The following NKAIN2 variants were observed in gnomAD, a reference collection of about 807,000 sequenced individuals.
NKAIN2 encodes the protein sodium/potassium transporting ATPase interacting 2.
Under a neutral mutation model 32.6 loss-of-function variants are expected in NKAIN2, and 14 were observed. That is an observed-to-expected ratio of 0.43 (90% confidence interval 0.28 to 0.67). The LOEUF is 0.67. NKAIN2 is among the 30% of genes least tolerant of loss of function. The pLI is 0.17. For synonymous variants in NKAIN2, 80 were observed against 87.2 expected (o/e 0.92, Z 0.46); for missense variants, 198 against 258.3 (o/e 0.77, Z 1.60).
intron 3 of NKAIN2, among the ~76,000 whole-genome samples, chr6:124,500,826 A>G (rs1778260361): frequency 6.6e-6 from 1 of 152,114 alleles, no homozygotes; most frequent in Non-Finnish European, 1.5e-5. Context: ...TAGATCAGTC[A>G]GAGGATTTGA....
At chr6:124,438,926 A>G (rs1775574551) in intron 3 of NKAIN2, among the ~76,000 whole-genome samples, 1 of 152,094 alleles carries the variant, frequency 6.6e-6, no homozygotes, top group African/African-American at 2.4e-5. Flanking sequence ...TCGTGGAGTT[A>G]ATAAAGGCTT....
At chr6:124,540,744 T>C (rs1016489516) in intron 3 of NKAIN2, among the ~76,000 whole-genome samples, 1 of 152,244 alleles carries the variant, frequency 6.6e-6, no homozygotes, top group Non-Finnish European at 1.5e-5. Flanking sequence ...CAAGTACTCA[T>C]ACAATTATTC....
intron 1 of NKAIN2, among the ~76,000 whole-genome samples, chr6:123,879,462 T>G (rs563959277): frequency 6.6e-6 from 1 of 152,318 alleles, no homozygotes; most frequent in African/African-American, 2.4e-5. Flanking sequence ...TTTAAGAACA[T>G]ATCAATTCTC....
chr6:124,563,535 T>C (rs534204027), intron 3 of NKAIN2, among the ~76,000 whole-genome samples: 1 of 152,314 alleles, frequency 6.6e-6, no homozygotes, highest in South Asian at 2.1e-4. Flanking sequence ...GCTATTTCCA[T>C]GTCCACAGGG....
chr6:124,622,429 C>G (rs1562289277), intron 3 of NKAIN2, among the ~76,000 whole-genome samples: 1 of 152,110 alleles, frequency 6.6e-6, no homozygotes, highest in Non-Finnish European at 1.5e-5. Context: ...GTCTCCATCC[C>G]CGTAGTAGTG....
chr6:124,448,574 G>A (rs998889982), intron 3 of NKAIN2, among the ~76,000 whole-genome samples: 2 of 152,226 alleles, frequency 1.3e-5, no homozygotes, highest in African/African-American at 2.4e-5. Flanking sequence ...ATCTCCCTAT[G>A]AGCCTGTTGT....
At chr6:124,185,312 A>C (rs1789662712) in intron 1 of NKAIN2, among the ~76,000 whole-genome samples, 2 of 152,184 alleles carry the variant, frequency 1.3e-5, no homozygotes, top group African/African-American at 4.8e-5. Context: ...TGCGGTTTAA[A>C]ATTATGAGTT....
At chr6:124,634,148 CG>C (rs1783682613) in intron 3 of NKAIN2, among the ~76,000 whole-genome samples, 1 of 151,712 alleles carries the variant, frequency 6.6e-6, no homozygotes, top group African/African-American at 2.4e-5. Context: ...GAAAAAATAA[CG>C]GTTTCACCAG....
intron 3 of NKAIN2, among the ~76,000 whole-genome samples, chr6:124,462,066 T>A (rs1776553388): frequency 6.6e-6 from 1 of 152,012 alleles, no homozygotes; most frequent in African/African-American, 2.4e-5. Flanking sequence ...CATTTTAATG[T>A]TTAGGTGTCT....
intron 3 of NKAIN2, among the ~76,000 whole-genome samples, chr6:124,409,909 A>G (rs186433272): frequency 0.018 from 2,664 of 151,966 alleles, 107 homozygotes; most frequent in Admixed American, 0.09. Flanking sequence ...ACTGCTTCCT[A>G]GTTTAGTCTT....
intron 1 of NKAIN2, among the ~76,000 whole-genome samples, chr6:123,879,670 A>T (rs1218326347): frequency 6.6e-6 from 1 of 152,178 alleles, no homozygotes; most frequent in Non-Finnish European, 1.5e-5. Context: ...GCCCCCAGCT[A>T]AATTGGGGTA....
chr6:123,956,896 CAA>C (rs1777618887), intron 1 of NKAIN2, among the ~76,000 whole-genome samples: 1 of 152,144 alleles, frequency 6.6e-6, no homozygotes, highest in African/African-American at 2.4e-5. Context: ...ATCCTATTGC[CAA>C]GTTTCTGTAC....
intron 1 of NKAIN2, among the ~76,000 whole-genome samples, chr6:124,115,124 A>AAT (rs1785549513): frequency 6.6e-6 from 1 of 152,192 alleles, no homozygotes; most frequent in African/African-American, 2.4e-5. Flanking sequence ...ATTGAGGTGT[A>AAT]ATATATTAAA....
chr6:124,428,934 G>A (rs1000051519), intron 3 of NKAIN2, among the ~76,000 whole-genome samples: 1 of 152,120 alleles, frequency 6.6e-6, no homozygotes. Flanking sequence ...TTGTTCTCAC[G>A]GGACATGGCT....
At chr6:124,521,183 G>C (rs1344936774) in intron 3 of NKAIN2, among the ~76,000 whole-genome samples, 1 of 152,126 alleles carries the variant, frequency 6.6e-6, no homozygotes, top group African/African-American at 2.4e-5. Flanking sequence ...GGAGTAGTGA[G>C]AGAAGACATC....
chr6:124,374,828 T>C (rs1441893209), intron 3 of NKAIN2, among the ~76,000 whole-genome samples: 2 of 152,108 alleles, frequency 1.3e-5, no homozygotes, highest in Admixed American at 6.6e-5. Context: ...TATTTTACGG[T>C]GCTTTTAAGA....
At chr6:124,680,896 A>G (rs1773587187) in intron 4 of NKAIN2, among the ~76,000 whole-genome samples, 1 of 151,996 alleles carries the variant, frequency 6.6e-6, no homozygotes, top group African/African-American at 2.4e-5. Context: ...AGGAAAAACT[A>G]GGCATATTTA....
intron 3 of NKAIN2, among the ~76,000 whole-genome samples, chr6:124,605,261 G>A (rs144768780): frequency 7.1e-4 from 108 of 152,194 alleles, no homozygotes; most frequent in African/African-American, 2.5e-3. Context: ...TGAGAAGGTT[G>A]GTGGTATAGA....
chr6:124,382,984 A>C (rs910708061), intron 3 of NKAIN2, among the ~76,000 whole-genome samples: 1 of 152,164 alleles, frequency 6.6e-6, no homozygotes, highest in African/African-American at 2.4e-5. Context: ...ACAGTCAAGG[A>C]GGTAAATGCT....
Sources: allele counts gnomAD v4.1 joint callset (sites outside exome capture counted in the v4.1 genomes callset), GRCh38; gene constraint gnomAD v4.1.1; transcripts MANE v1.5; gene names NCBI Gene and HGNC (gene_info 2026-07-23, HGNC 2026-07-21).